EEIG2: variants seen among roughly 807,000 people sequenced by gnomAD.
EEIG2 encodes EEIG family member 2.
At chr1:108,620,187 T>C in the EEIG2 span, among the ~76,000 whole-genome samples, 6 of 152,252 alleles carry the variant, frequency 3.9e-5, no homozygotes, top group African/African-American at 1.2e-4. Context: ...TGCTTTTGTC[T>C]ATCTTTAAAT....
At chr1:108,564,512 G>A in the EEIG2 span, among the ~76,000 whole-genome samples, 3 of 152,186 alleles carry the variant, frequency 2.0e-5, no homozygotes, top group Admixed American at 6.5e-5. Flanking sequence ...TACATTTGAG[G>A]TGACAGCCTG....
the EEIG2 span, among the ~76,000 whole-genome samples, chr1:108,620,485 T>C: frequency 3.9e-5 from 6 of 152,112 alleles, no homozygotes; most frequent in African/African-American, 1.4e-4. Context: ...TGAAAAGTGC[T>C]AATAAAGAAA....
chr1:108,579,819 C>T, the EEIG2 span, among the ~76,000 whole-genome samples: 3 of 82,936 alleles, frequency 3.6e-5, no homozygotes, highest in African/African-American at 1.1e-4. Flanking sequence ...CTCTTATCAC[C>T]CAGGCTGCAG....
At chr1:108,637,020 G>A in the EEIG2 span, 1 of 152,144 alleles carries the variant, frequency 6.6e-6, no homozygotes, top group Non-Finnish European at 1.5e-5. Context: ...GTTCAGTGAG[G>A]ACATTCATCA....
At chr1:108,620,734 GTTAAGGAA>G in the EEIG2 span, among the ~76,000 whole-genome samples, 1 of 152,078 alleles carries the variant, frequency 6.6e-6, no homozygotes, top group African/African-American at 2.4e-5. Flanking sequence ...AGACTAAGAG[GTTAAGGAA>G]TTAATTCTTC....
chr1:108,571,221 AAGT>A, the EEIG2 span, among the ~76,000 whole-genome samples: 1 of 152,162 alleles, frequency 6.6e-6, no homozygotes, highest in African/African-American at 2.4e-5. Context: ...CTAAGCTTGA[AAGT>A]AGTAGAGTTA....
At chr1:108,588,011 A>G in the EEIG2 span, among the ~76,000 whole-genome samples, 2 of 152,250 alleles carry the variant, frequency 1.3e-5, no homozygotes, top group South Asian at 4.1e-4. Context: ...CTCCTGGTTC[A>G]TCTATGTTGT....
At chr1:108,599,990 C>T in the EEIG2 span, among the ~76,000 whole-genome samples, 3 of 152,070 alleles carry the variant, frequency 2.0e-5, no homozygotes, top group Admixed American at 6.6e-5. Context: ...AGGAAGACTC[C>T]GTCTCAAAAT....
chr1:108,560,334 G>A, the EEIG2 span: 74 of 1,016,396 alleles, frequency 7.3e-5, no homozygotes, highest in African/African-American at 5.6e-4. Context: ...ACAGCTCGCG[G>A]CCCCGGCCAT....
the EEIG2 span, chr1:108,628,120 T>C: frequency 8.5e-4 from 1,287 of 1,522,142 alleles, 6 homozygotes; most frequent in African/African-American, 0.015. Context: ...AAATTGACCA[T>C]TAACTTTTTG....
the EEIG2 span, among the ~76,000 whole-genome samples, chr1:108,622,817 T>TTTAAGAA: frequency 1.3e-5 from 2 of 152,192 alleles, no homozygotes; most frequent in African/African-American, 2.4e-5. Context: ...AGGGTAAGAA[T>TTTAAGAA]TTAAGAATTG....
At chr1:108,602,024 T>C in the EEIG2 span, among the ~76,000 whole-genome samples, 1 of 152,110 alleles carries the variant, frequency 6.6e-6, no homozygotes, top group African/African-American at 2.4e-5. Flanking sequence ...CAAATAAGAT[T>C]ATTTGAGGTC....
At chr1:108,595,579 G>C in the EEIG2 span, among the ~76,000 whole-genome samples, 2 of 144,932 alleles carry the variant, frequency 1.4e-5, no homozygotes, top group African/African-American at 5.1e-5. Flanking sequence ...GGGAGGAAAG[G>C]GAGGGTGGGA....
At chr1:108,575,472 GAGAAA>G in the EEIG2 span, among the ~76,000 whole-genome samples, 1 of 152,088 alleles carries the variant, frequency 6.6e-6, no homozygotes, top group Non-Finnish European at 1.5e-5. Flanking sequence ...CTGTATTCAA[GAGAAA>G]AGAAAATATA....
the EEIG2 span, among the ~76,000 whole-genome samples, chr1:108,611,964 C>G: frequency 6.6e-6 from 1 of 151,836 alleles, no homozygotes; most frequent in African/African-American, 2.4e-5. Context: ...GATCCTGTTG[C>G]TGAACGCAAG....
the EEIG2 span, among the ~76,000 whole-genome samples, chr1:108,630,439 G>C: frequency 7.0e-6 from 1 of 141,946 alleles, no homozygotes; most frequent in Non-Finnish European, 1.5e-5. Context: ...GTGCGGAAGC[G>C]GGGAGGGAAT....
the EEIG2 span, among the ~76,000 whole-genome samples, chr1:108,563,855 A>AAT: frequency 6.6e-6 from 1 of 152,202 alleles, no homozygotes; most frequent in Non-Finnish European, 1.5e-5. Flanking sequence ...TGGATCAGAC[A>AAT]ATATATTGAG....
At chr1:108,574,412 A>C in the EEIG2 span, among the ~76,000 whole-genome samples, 1 of 152,206 alleles carries the variant, frequency 6.6e-6, no homozygotes, top group Non-Finnish European at 1.5e-5. Flanking sequence ...TTGTGAGATA[A>C]AAAGAGTTCT....
At chr1:108,616,834 G>C in the EEIG2 span, among the ~76,000 whole-genome samples, 1 of 152,156 alleles carries the variant, frequency 6.6e-6, no homozygotes, top group Non-Finnish European at 1.5e-5. Context: ...TATATTCTAA[G>C]AGGAAAATGG....
Sources: gnomAD v4.1 joint callset for allele counts (sites outside exome capture counted in the v4.1 genomes callset) on GRCh38, gnomAD v4.1.1 for gene constraint, MANE v1.5 for transcripts, NCBI Gene and HGNC (gene_info 2026-07-23, HGNC 2026-07-21) for gene names.